SUPT3H: variants seen among roughly 807,000 people sequenced by gnomAD.
The protein encoded by SUPT3H is SPT3 homolog, SAGA and STAGA complex component.
A neutral mutation model predicts 44.3 loss-of-function variants in SUPT3H; 44 were observed. The observed-to-expected ratio is 0.99, with a 90% confidence interval of 0.78 to 1.28. The LOEUF (loss-of-function observed/expected upper bound fraction) is 1.28. Among genes scored for constraint, SUPT3H ranks in the 50% most tolerant of loss-of-function variants. The pLI is 0.00. For missense variants in SUPT3H, 380 were observed against 387.1 expected (o/e 0.98, Z 0.15); for synonymous variants, 124 against 125.6 (o/e 0.99, Z 0.09).
intron 2 of SUPT3H, among the ~76,000 whole-genome samples, chr6:45,186,197 C>T (rs1035673362): frequency 3.3e-5 from 5 of 152,218 alleles, no homozygotes; most frequent in African/African-American, 1.2e-4. Flanking sequence ...ATATACTCAC[C>T]TAGCCCTCAT....
chr6:45,136,631 G>A (rs552240311), intron 2 of SUPT3H, among the ~76,000 whole-genome samples: 1 of 151,966 alleles, frequency 6.6e-6, no homozygotes, highest in African/African-American at 2.4e-5. Flanking sequence ...AAATTCTGGA[G>A]TTGAAAAGTA....
intron 2 of SUPT3H, among the ~76,000 whole-genome samples, chr6:45,279,605 T>C (rs1225335659): frequency 6.6e-6 from 1 of 152,166 alleles, no homozygotes; most frequent in East Asian, 1.9e-4. Context: ...ACCACGACTG[T>C]AAACTTTCTG....
At chr6:45,207,456 G>A (rs1431830477) in intron 2 of SUPT3H, among the ~76,000 whole-genome samples, 1 of 152,178 alleles carries the variant, frequency 6.6e-6, no homozygotes. Context: ...GAGAAATTAT[G>A]CTAAAAAGGA....
Position 45,167,667 on chromosome 6 carries a change from T to G in SUPT3H, c.102-61661A>C, listed in dbSNP as rs537807368. ...CACAAGACACTTGTGATTTTGGCTG[T>G]TTTTTTTTTTCTAGCTGGAATAAGG... On this transcript the variant is annotated intron_variant, in intron 2 of 10. Coordinates refer to ENST00000371459, the MANE Select transcript of SUPT3H (RefSeq NM_003599.4). 3.1e-3 allele frequency among the ~76,000 whole-genome samples: 187 copies of G among 60,726 alleles called. 2 individuals are homozygous for G. The highest frequency in any genetic ancestry group is 0.028 in the East Asian group (97 of 3,490). 39.8% of individuals were successfully genotyped at this position (60,726 alleles called of 152,430 possible).
At chr6:45,250,178 T>G (rs1050006374) in intron 2 of SUPT3H, among the ~76,000 whole-genome samples, 3 of 151,662 alleles carry the variant, frequency 2.0e-5, no homozygotes, top group African/African-American at 7.3e-5. Flanking sequence ...GCCTCTGACA[T>G]GAAAGATGGT....
At chr6:44,863,780 G>T (rs1775047191) in intron 10 of SUPT3H, among the ~76,000 whole-genome samples, 1 of 152,116 alleles carries the variant, frequency 6.6e-6, no homozygotes, top group Non-Finnish European at 1.5e-5. Context: ...CGTGGCTAGG[G>T]AGACCTCAAA....
At chr6:45,070,482 G>A (rs902176425) in intron 3 of SUPT3H, among the ~76,000 whole-genome samples, 1 of 152,020 alleles carries the variant, frequency 6.6e-6, no homozygotes, top group Admixed American at 6.6e-5. Flanking sequence ...GGTGGCTCAC[G>A]CCTGTAATCC....
chr6:45,004,432 T>C (rs886988495), intron 5 of SUPT3H, among the ~76,000 whole-genome samples: 2 of 152,038 alleles, frequency 1.3e-5, no homozygotes, highest in Non-Finnish European at 2.9e-5. Context: ...TTAAAAAATA[T>C]ATATCTCTAA....
At chr6:44,866,137 A>C (rs545381969) in intron 10 of SUPT3H, among the ~76,000 whole-genome samples, 16 of 146,850 alleles carry the variant, frequency 1.1e-4, no homozygotes, top group Admixed American at 1.0e-3. Context: ...TAAGCAAAGT[A>C]GATTGCCTGT....
At chr6:45,334,434 G>T (rs1581667237) in intron 2 of SUPT3H, among the ~76,000 whole-genome samples, 1 of 122,320 alleles carries the variant, frequency 8.2e-6, no homozygotes, top group African/African-American at 3.0e-5. Context: ...CATCTATTTT[G>T]TGCTTCAGGA....
At chr6:45,209,298 C>A (rs539174518) in intron 2 of SUPT3H, among the ~76,000 whole-genome samples, 1 of 152,120 alleles carries the variant, frequency 6.6e-6, no homozygotes, top group Admixed American at 6.5e-5. Context: ...ATAGTGATTC[C>A]TCTGACAGAT....
At chr6:45,198,045 A>G (rs1363987254) in intron 2 of SUPT3H, among the ~76,000 whole-genome samples, 1 of 151,256 alleles carries the variant, frequency 6.6e-6, no homozygotes, top group African/African-American at 2.4e-5. Flanking sequence ...AATCTCTCAA[A>G]GTTCTCAACT....
At chr6:45,144,508 G>T (rs1181573854) in intron 2 of SUPT3H, among the ~76,000 whole-genome samples, 2 of 151,848 alleles carry the variant, frequency 1.3e-5, no homozygotes, top group Non-Finnish European at 2.9e-5. Context: ...CACACTTCAA[G>T]GAAATAAAAC....
chr6:45,010,311 C>G (rs1783298580), intron 5 of SUPT3H, among the ~76,000 whole-genome samples: 1 of 151,822 alleles, frequency 6.6e-6, no homozygotes, highest in Non-Finnish European at 1.5e-5. Context: ...TTTTTCTAAT[C>G]TGGATGCCCT....
At chr6:45,146,427 G>A (rs1806078791) in intron 2 of SUPT3H, among the ~76,000 whole-genome samples, 2 of 152,072 alleles carry the variant, frequency 1.3e-5, no homozygotes, top group African/African-American at 4.8e-5. Flanking sequence ...TGGGGACTCA[G>A]GAAGAAGGGA....
At chr6:44,937,307 C>T (rs906116815) in intron 9 of SUPT3H, among the ~76,000 whole-genome samples, 18 of 151,950 alleles carry the variant, frequency 1.2e-4, no homozygotes, top group African/African-American at 4.1e-4. Context: ...GCCTGGCCAA[C>T]ATGGTGAAAC....
chr6:45,175,708 A>T (rs111472128), intron 2 of SUPT3H, among the ~76,000 whole-genome samples: 1,377 of 98,154 alleles, frequency 0.014, 14 homozygotes, highest in South Asian at 0.043. Context: ...GACTCAAGTG[A>T]TATTAAAAAA....
intron 2 of SUPT3H, among the ~76,000 whole-genome samples, chr6:45,156,732 C>A (rs141217371): frequency 1.1e-3 from 174 of 151,400 alleles, no homozygotes; most frequent in African/African-American, 4.0e-3. Flanking sequence ...ATTTTTAAAA[C>A]CCTTGGTTTT....
At chr6:45,037,304 G>GA (rs969433623) in intron 3 of SUPT3H, among the ~76,000 whole-genome samples, 16 of 148,194 alleles carry the variant, frequency 1.1e-4, no homozygotes, top group African/African-American at 2.2e-4. Flanking sequence ...AAAAGATGCA[G>GA]AAAAAAAAAG....
Sources: gnomAD v4.1 joint callset for allele counts (sites outside exome capture counted in the v4.1 genomes callset) on GRCh38, gnomAD v4.1.1 for gene constraint, MANE v1.5 for transcripts, NCBI Gene and HGNC (gene_info 2026-07-23, HGNC 2026-07-21) for gene names.